The following ABTB3 variants were observed in gnomAD, a reference collection of about 807,000 sequenced individuals.
ABTB3 encodes the protein ankyrin repeat- and BTB/POZ domain-containing protein 3.
At chr12:107,334,270 T>C in the ABTB3 span, among the ~76,000 whole-genome samples, 1 of 152,108 alleles carries the variant, frequency 6.6e-6, no homozygotes, top group Non-Finnish European at 1.5e-5. Context: ...GTGGAGGCTC[T>C]TCCAATAGCC....
At chr12:107,459,233 C>T in the ABTB3 span, among the ~76,000 whole-genome samples, 1 of 152,188 alleles carries the variant, frequency 6.6e-6, no homozygotes, top group Admixed American at 6.5e-5. Context: ...AAGCCACATG[C>T]TAGTCAGTGA....
chr12:107,473,316 G>T, the ABTB3 span, among the ~76,000 whole-genome samples: 2 of 151,918 alleles, frequency 1.3e-5, no homozygotes, highest in Non-Finnish European at 2.9e-5. Flanking sequence ...CATTTCCCAC[G>T]TGTAATGCTG....
the ABTB3 span, among the ~76,000 whole-genome samples, chr12:107,382,434 T>C: frequency 1.3e-5 from 2 of 152,148 alleles, no homozygotes; most frequent in Admixed American, 1.3e-4. Flanking sequence ...TGAATGGGAG[T>C]TTACTCTTGA....
chr12:107,485,877 G>T, the ABTB3 span, among the ~76,000 whole-genome samples: 5 of 152,144 alleles, frequency 3.3e-5, no homozygotes, highest in Non-Finnish European at 5.9e-5. Context: ...TGCTGAAGTG[G>T]CAAAGATTTT....
At chr12:107,586,348 C>T in the ABTB3 span, among the ~76,000 whole-genome samples, 16,751 of 152,182 alleles carry the variant, frequency 0.11, 1,061 homozygotes, top group African/African-American at 0.15. Flanking sequence ...AAAGGCTGAG[C>T]ACCTGGGCCC....
At chr12:107,623,358 CTTTTTTTTTTTTT>C in the ABTB3 span, among the ~76,000 whole-genome samples, 4 of 69,666 alleles carry the variant, frequency 5.7e-5, no homozygotes, top group South Asian at 4.7e-4. Context: ...CACGCCTGGC[CTTTTTTTTTTTTT>C]TTTTTTTTTT....
chr12:107,501,821 C>T, the ABTB3 span, among the ~76,000 whole-genome samples: 17 of 152,244 alleles, frequency 1.1e-4, no homozygotes, highest in East Asian at 1.2e-3. Flanking sequence ...GGAAACACCA[C>T]GGAGCCCTGA....
chr12:107,530,416 C>T, the ABTB3 span, among the ~76,000 whole-genome samples: 6 of 152,166 alleles, frequency 3.9e-5, no homozygotes, highest in Non-Finnish European at 8.8e-5. Flanking sequence ...GCTTATTATT[C>T]TGGTAATACA....
At chr12:107,590,823 A>C in the ABTB3 span, among the ~76,000 whole-genome samples, 2 of 152,182 alleles carry the variant, frequency 1.3e-5, no homozygotes, top group East Asian at 3.8e-4. Context: ...GCTTCCTGGG[A>C]AACAGGGATT....
At chr12:107,454,577 G>A in the ABTB3 span, among the ~76,000 whole-genome samples, 1 of 152,210 alleles carries the variant, frequency 6.6e-6, no homozygotes, top group South Asian at 2.1e-4. Context: ...CAATTCAGCT[G>A]TGCATCTCTC....
At chr12:107,556,054 C>A in the ABTB3 span, among the ~76,000 whole-genome samples, 1 of 151,728 alleles carries the variant, frequency 6.6e-6, no homozygotes, top group Non-Finnish European at 1.5e-5. Context: ...TGCCTTAGCT[C>A]ATTGAATTCT....
the ABTB3 span, among the ~76,000 whole-genome samples, chr12:107,346,012 G>A: frequency 6.6e-6 from 1 of 152,208 alleles, no homozygotes; most frequent in Non-Finnish European, 1.5e-5. Context: ...GCAGACCCAG[G>A]AAGGTCCATG....
the ABTB3 span, among the ~76,000 whole-genome samples, chr12:107,528,393 A>G: frequency 1.3e-5 from 2 of 152,244 alleles, no homozygotes; most frequent in Middle Eastern, 3.2e-3. Context: ...ATAATTAGCC[A>G]ATTTAAAGAA....
At chr12:107,334,415 G>C in the ABTB3 span, among the ~76,000 whole-genome samples, 2 of 152,156 alleles carry the variant, frequency 1.3e-5, no homozygotes, top group African/African-American at 2.4e-5. Flanking sequence ...GAGGGAATGA[G>C]GGGGGTTAAG....
chr12:107,451,183 G>A, the ABTB3 span, among the ~76,000 whole-genome samples: 2 of 152,102 alleles, frequency 1.3e-5, no homozygotes, highest in African/African-American at 4.8e-5. Context: ...GCACCATAGA[G>A]GATGGATTTT....
the ABTB3 span, among the ~76,000 whole-genome samples, chr12:107,637,308 C>CT: frequency 6.6e-6 from 1 of 152,164 alleles, no homozygotes; most frequent in Non-Finnish European, 1.5e-5. Context: ...AGGAGAATCA[C>CT]TTGAACCTAG....
the ABTB3 span, among the ~76,000 whole-genome samples, chr12:107,576,722 GC>G: frequency 6.6e-6 from 1 of 152,134 alleles, no homozygotes; most frequent in Admixed American, 6.5e-5. Context: ...GAATTCCTGA[GC>G]CCATGGATGT....
the ABTB3 span, among the ~76,000 whole-genome samples, chr12:107,379,529 C>A: frequency 1.2e-4 from 18 of 152,300 alleles, no homozygotes; most frequent in South Asian, 1.7e-3. Flanking sequence ...TGAGGCTTCC[C>A]TAGCCATGTG....
the ABTB3 span, among the ~76,000 whole-genome samples, chr12:107,607,939 C>G: frequency 3.9e-5 from 6 of 152,236 alleles, no homozygotes; most frequent in South Asian, 2.1e-4. Flanking sequence ...GACAATGGCC[C>G]CCTCTCGTTC....
Sources: gnomAD v4.1 joint callset for allele counts (sites outside exome capture counted in the v4.1 genomes callset) on GRCh38, gnomAD v4.1.1 for gene constraint, MANE v1.5 for transcripts, NCBI Gene and HGNC (gene_info 2026-07-23, HGNC 2026-07-21) for gene names.